The following PDE4C variants were observed in gnomAD, a reference collection of about 807,000 sequenced individuals.
PDE4C encodes the protein 3',5'-cyclic-AMP phosphodiesterase 4C.
PDE4C carries 50 observed loss-of-function variants against 63.9 expected under a neutral mutation model. The observed-to-expected ratio is 0.78, with a 90% CI of 0.62 to 0.99. PDE4C has a LOEUF of 0.99. Among genes scored for constraint, PDE4C ranks in the 50% least tolerant of loss-of-function variants. PDE4C has a pLI of 0.00. For missense variants in PDE4C, 777 were observed against 899.1 expected (o/e 0.86, Z 1.74); for synonymous variants, 377 against 385.1 (o/e 0.98, Z 0.25).
Position 18,220,218 on chromosome 19 carries a change from A to C in PDE4C, c.706+8T>G, listed in dbSNP as rs202177222. 37 of 1,610,938 alleles carry C rather than the reference A, an allele frequency of 2.3e-5. No individual in the cohort carries two copies. In the East Asian group the frequency reaches 7.4e-4, roughly 32 times the overall value. On this transcript the variant is annotated splice_region_variant and intron_variant, in intron 7 of 14. Transcript: ENST00000262805. The surrounding 1 kb of genome is among the most constrained non-coding windows in gnomAD (Gnocchi z 5.1). ...ATGTCGTCCAGGCAGTGACTCAACA[A>C]AGCTCACCCAGGAAGGTCCGGGAGA...
At position 18,220,746 on chromosome 19, in the gene PDE4C, GTTA is replaced by G; in HGVS notation, c.499+125_499+127del. On this transcript the variant is annotated intron_variant, in intron 5 of 14. Coordinates refer to ENST00000262805, the Ensembl canonical transcript of PDE4C. The surrounding 1 kb of genome is among the most constrained non-coding windows in gnomAD (Gnocchi z 5.1). ...TGTGGTGGGGTCCATCCCCGAGGGCGTTATTGTTTTTGCAGGGGCGGGGCTACA... is the reference window on the plus strand; with the variant it reads ...TGTGGTGGGGTCCATCCCCGAGGGCGTTGTTTTTGCAGGGGCGGGGCTACA... 1.0e-6 allele frequency: 1 copy of G among 966,698 alleles called. No homozygotes were observed. Among genetic ancestry groups the G allele is most frequent in the Non-Finnish European group, 1.6e-6 (1 of 615,930 alleles). 59.9% of individuals were successfully genotyped at this position (966,698 alleles called of 1,614,324 possible).
chr19:18,221,058 C>CCCCCCCCCCA, intron 4 of PDE4C, 47 bp downstream of exon 4: 1 of 1,221,604 alleles, frequency 8.2e-7, no homozygotes, highest in Non-Finnish European at 1.2e-6. Context: ...TTCCGCCCAC[C>CCCCCCCCCCA]TTGTCTCTGC....
At chr19:18,213,395 G>T in exon 13 of PDE4C, 1 of 1,613,874 alleles carries the variant, frequency 6.2e-7, no homozygotes, top group East Asian at 2.2e-5. Flanking sequence ...AGTTGTCCAG[G>T]AGGAGGACAC....
At chr19:18,224,214 G>A (rs896026929) in intron 1 of PDE4C, 11 of 985,402 alleles carry the variant, frequency 1.1e-5, no homozygotes, top group Non-Finnish European at 1.3e-5. Flanking sequence ...CAAGAACTGG[G>A]GCGCTAGAGA....
chr19:18,236,985 G>A (rs920195978), upstream of PDE4C: 22 of 152,832 alleles, frequency 1.4e-4, no homozygotes, highest in Non-Finnish European at 1.8e-4. Context: ...TGGGGTACCC[G>A]AGAAGCCTCT....
In PDE4C at chr19:18,246,411, C is replaced by T. The variant is rs908168640; in HGVS notation, c.-210+1760G>A. On this transcript the variant is annotated intron_variant, in intron 1 of 15. Transcript: ENST00000594617. ...TTACCCAGGATGGTCTTGAACTCCTCGGCTCAAGCGATCCACCTGCCTCGG... is the reference window on the plus strand; with the variant it reads ...TTACCCAGGATGGTCTTGAACTCCTTGGCTCAAGCGATCCACCTGCCTCGG... Among the ~76,000 whole-genome samples, 9 of 149,012 alleles carry T rather than the reference C, an allele frequency of 6.0e-5. No individual in the cohort carries two copies. In the South Asian group the frequency reaches 6.4e-4, roughly 11 times the overall value.
chr19:18,217,348 G>A (rs2148015776), intron 11 of PDE4C: 1 of 153,082 alleles, frequency 6.5e-6, no homozygotes, highest in South Asian at 2.0e-4. Flanking sequence ...TTATTTTTTT[G>A]AGAGACAGGG....
chr19:18,210,969 G>A (rs1382233578), exon 15 of PDE4C: 1 of 1,613,880 alleles, frequency 6.2e-7, no homozygotes, highest in South Asian at 1.1e-5. Flanking sequence ...CCCAGGGTCT[G>A]GGCCGGCTTC....
chr19:18,212,079 G>C (rs1223855281), intron 13 of PDE4C, 138 bp from the exon 14 acceptor site: 47 of 790,896 alleles, frequency 5.9e-5, no homozygotes, highest in Non-Finnish European at 1.8e-5. Flanking sequence ...TGAAGAAATG[G>C]TTAAGGCACA....
chr19:18,237,241 G>A (rs541585403), upstream of PDE4C, among the ~76,000 whole-genome samples: 4 of 152,158 alleles, frequency 2.6e-5, no homozygotes, highest in Non-Finnish European at 5.9e-5. Context: ...GATCTCAAAC[G>A]TGGGGGGATA....
intron 13 of PDE4C, among the ~76,000 whole-genome samples, chr19:18,212,208 G>A (rs1272081694): frequency 1.3e-5 from 2 of 151,778 alleles, no homozygotes; most frequent in Non-Finnish European, 2.9e-5. Context: ...TAATGAGTTA[G>A]GGTCTCACGC....
At chr19:18,223,690 C>T (rs368629007) in intron 1 of PDE4C, among the ~76,000 whole-genome samples, 1 of 152,336 alleles carries the variant, frequency 6.6e-6, no homozygotes, top group East Asian at 1.9e-4. Flanking sequence ...CCCGAGAGCT[C>T]TTTGAGGGGG....
intron 1 of PDE4C, among the ~76,000 whole-genome samples, chr19:18,232,374 CGTGTGT>C (rs4006742): frequency 2.3e-4 from 34 of 149,848 alleles, no homozygotes; most frequent in African/African-American, 3.2e-4. Flanking sequence ...AAAATAAAAA[CGTGTGT>C]GTGTGTGTGT....
At chr19:18,211,867 C>T (rs778842682) in exon 14 of PDE4C, 14 of 1,614,232 alleles carry the variant, frequency 8.7e-6, no homozygotes, top group East Asian at 2.2e-5. Flanking sequence ...TGATGCGGTC[C>T]GTCCACTGGC....
At chr19:18,221,118 G>C (rs868369089) in exon 4 of PDE4C, 1 of 1,517,482 alleles carries the variant, frequency 6.6e-7, no homozygotes, top group Non-Finnish European at 8.9e-7. Context: ...GCTGCTCCTA[G>C]GCATTGCTGG....
exon 1 of PDE4C, chr19:18,233,057 G>C: frequency 6.4e-7 from 1 of 1,569,456 alleles, no homozygotes; most frequent in Non-Finnish European, 8.6e-7. Flanking sequence ...CCGAATAGAA[G>C]CGCTGTTGGA....
exon 8 of PDE4C, chr19:18,219,350 G>A: frequency 4.3e-6 from 7 of 1,613,726 alleles, no homozygotes; most frequent in Non-Finnish European, 5.9e-6. Flanking sequence ...ATGGGCTGTG[G>A]GGCCTCCTCA....
At chr19:18,225,973 C>A (rs1968701513) in intron 1 of PDE4C, among the ~76,000 whole-genome samples, 1 of 152,240 alleles carries the variant, frequency 6.6e-6, no homozygotes, top group African/African-American at 2.4e-5. Context: ...CTCAGCCCGT[C>A]CCACTCTGGG....
upstream of PDE4C, among the ~76,000 whole-genome samples, chr19:18,229,102 A>ATTTTTT (rs56379821): frequency 6.4e-5 from 8 of 124,544 alleles, no homozygotes; most frequent in East Asian, 4.9e-4. Context: ...TGCCAAGCTA[A>ATTTTTT]TTTTTTTTTT....
Sources: gnomAD v4.1 joint callset for allele counts (sites outside exome capture counted in the v4.1 genomes callset) on GRCh38, gnomAD v4.1.1 for gene constraint, Gnocchi (gnomAD v3.1) non-coding constraint, MANE v1.5 for transcripts, NCBI Gene and HGNC (gene_info 2026-07-23, HGNC 2026-07-21) for gene names.